CHL1: variants seen among roughly 807,000 people sequenced by gnomAD.
The protein encoded by CHL1 is neural cell adhesion molecule L1-like protein.
In CHL1, 96 loss-of-function variants were observed where a neutral mutation model predicts 141.9. The ratio of observed to expected loss-of-function variants is 0.68; its 90% CI spans 0.57 to 0.80. The LOEUF is 0.80. Among genes scored for constraint, CHL1 ranks in the 30% least tolerant of loss-of-function variants. The pLI is 0.00. For missense variants in CHL1, 1,820 were observed against 1,457.2 expected (o/e 1.25, Z -4.05); for synonymous variants, 613 against 502.2 (o/e 1.22, Z -2.95).
chr3:320,523 A>G (rs1178312490), intron 3 of CHL1, among the ~76,000 whole-genome samples: 1 of 151,964 alleles, frequency 6.6e-6, no homozygotes, highest in East Asian at 1.9e-4. Context: ...TAATAGTTAA[A>G]AAAATAGATC....
chr3:279,331 A>G (rs1370439631), intron 2 of CHL1, among the ~76,000 whole-genome samples: 1 of 151,942 alleles, frequency 6.6e-6, no homozygotes, highest in African/African-American at 2.4e-5. Flanking sequence ...GCAGAGCCTT[A>G]AGCTTCTTAA....
intron 2 of CHL1, among the ~76,000 whole-genome samples, chr3:256,917 G>A (rs569703875): frequency 2.6e-4 from 39 of 152,302 alleles, no homozygotes; most frequent in Admixed American, 1.3e-3. Context: ...GCAAAGACAC[G>A]AGTCTGTGTA....
intron 26 of CHL1, among the ~76,000 whole-genome samples, chr3:399,409 A>G (rs1373385182): frequency 6.6e-6 from 1 of 152,142 alleles, no homozygotes; most frequent in Non-Finnish European, 1.5e-5. Context: ...TGGGAGGCCG[A>G]GGTGGGCGGA....
chr3:353,761 T>C (rs990394744), intron 10 of CHL1, among the ~76,000 whole-genome samples: 11 of 152,234 alleles, frequency 7.2e-5, no homozygotes, highest in African/African-American at 2.7e-4. Context: ...AAATCTAAAA[T>C]ATCTTTGGGG....
intron 2 of CHL1, among the ~76,000 whole-genome samples, chr3:294,630 C>A (rs921403533): frequency 1.4e-5 from 2 of 144,100 alleles, no homozygotes; most frequent in Non-Finnish European, 1.5e-5. Context: ...CTAAACCCTT[C>A]TAAAATATTC....
At chr3:392,378 G>T (rs12488718) in intron 23 of CHL1, among the ~76,000 whole-genome samples, 3 of 152,220 alleles carry the variant, frequency 2.0e-5, no homozygotes, top group Admixed American at 2.0e-4. Context: ...CTGTTTCATG[G>T]AGATGATATT....
chr3:361,863 C>A, intron 13 of CHL1, 53 bp downstream of exon 13: 1 of 1,190,834 alleles, frequency 8.4e-7, no homozygotes, highest in Non-Finnish European at 1.3e-6. Flanking sequence ...TAGATTTGAC[C>A]TTGTTTCTTC....
chr3:255,047 T>G (rs1694030759), intron 2 of CHL1, among the ~76,000 whole-genome samples: 1 of 152,164 alleles, frequency 6.6e-6, no homozygotes, highest in South Asian at 2.1e-4. Context: ...GTTCTGAATT[T>G]TGGGGCCCGT....
intron 2 of CHL1, among the ~76,000 whole-genome samples, chr3:307,570 G>A (rs954834181): frequency 6.6e-6 from 1 of 152,036 alleles, no homozygotes; most frequent in African/African-American, 2.4e-5. Flanking sequence ...TAGGCTGTGG[G>A]GCTCCCTTGA....
chr3:322,359 T>C (rs1400518271), intron 3 of CHL1, among the ~76,000 whole-genome samples: 1 of 151,956 alleles, frequency 6.6e-6, no homozygotes, highest in Non-Finnish European at 1.5e-5. Flanking sequence ...TTAGTTTTTA[T>C]TCTACTCTGG....
At chr3:313,180 G>A (rs1699892233) in intron 2 of CHL1, among the ~76,000 whole-genome samples, 2 of 152,240 alleles carry the variant, frequency 1.3e-5, no homozygotes, top group African/African-American at 4.8e-5. Context: ...AAATGAAAAA[G>A]TTTTTAAAAT....
In CHL1 at chr3:349,258, A is replaced by G. The variant is rs1199897836; in HGVS notation, c.849-101A>G. The G allele has an allele frequency of 1.9e-5, 18 of 946,938 alleles. No individual in the cohort carries two copies. In the East Asian group the frequency reaches 4.7e-4, roughly 25 times the overall value. 58.7% of individuals were successfully genotyped at this position (946,938 alleles called of 1,614,324 possible). ...ACGTGATTCAGTGGAATATGAGCAC[A>G]TGTGTAAAAGCACCCTGATAAAGGA... On this transcript the variant is annotated intron_variant, in intron 9 of 27. Coordinates refer to ENST00000256509, the MANE Select transcript of CHL1 (RefSeq NM_006614.4).
At chr3:247,763 T>C (rs1232994123) in intron 2 of CHL1, 1 of 152,148 alleles carries the variant, frequency 6.6e-6, no homozygotes, top group Non-Finnish European at 1.5e-5. Context: ...AGTTCACCTC[T>C]GTTAAATAAA....
intron 8 of CHL1, among the ~76,000 whole-genome samples, chr3:343,911 A>G (rs1258662891): frequency 1.3e-5 from 2 of 152,250 alleles, no homozygotes; most frequent in Non-Finnish European, 2.9e-5. Context: ...CACGAAGTAT[A>G]GAAGACTGTC....
intron 2 of CHL1, among the ~76,000 whole-genome samples, chr3:287,423 C>T (rs17274959): frequency 0.014 from 2,190 of 152,254 alleles, 25 homozygotes; most frequent in Non-Finnish European, 0.023. Context: ...TGTCTTTTCA[C>T]CTGCTCTTAT....
At chr3:219,935 A>T (rs1474019603) in intron 1 of CHL1, among the ~76,000 whole-genome samples, 1 of 152,244 alleles carries the variant, frequency 6.6e-6, no homozygotes, top group African/African-American at 2.4e-5. Flanking sequence ...AGGGGAATGC[A>T]CATTGAAATC....
intron 1 of CHL1, among the ~76,000 whole-genome samples, chr3:201,798 T>C (rs1698969734): frequency 6.6e-6 from 1 of 152,220 alleles, no homozygotes. Context: ...TGTTTGCATC[T>C]TATTTCCCCT....
At position 391,170 on chromosome 3, in the gene CHL1, A is replaced by G; in HGVS notation, c.2791+11A>G. On this transcript the variant is annotated intron_variant, in intron 22 of 27. Transcript: ENST00000256509. ...AAACACCAGAAGGAGGTGAGAGGAT[A>G]ATGATGTAGAGTCATGTCAAAAATG... is the stretch of plus-strand genomic sequence containing the variant. 6.3e-7 allele frequency: 1 copy of G among 1,589,210 alleles called. No homozygotes were observed. The highest frequency in any genetic ancestry group is 8.6e-7 in the Non-Finnish European group (1 of 1,157,772).
intron 3 of CHL1, among the ~76,000 whole-genome samples, chr3:322,773 G>A (rs1421688142): frequency 6.7e-6 from 1 of 149,920 alleles, no homozygotes; most frequent in South Asian, 2.1e-4. Flanking sequence ...GAGCCCAGGA[G>A]GTTGAGGCTG....
Sources: allele counts gnomAD v4.1 joint callset (sites outside exome capture counted in the v4.1 genomes callset), GRCh38; gene constraint gnomAD v4.1.1; transcripts MANE v1.5; gene names NCBI Gene and HGNC (gene_info 2026-07-23, HGNC 2026-07-21).